The following PCDHA13 variants were observed in gnomAD, a reference collection of about 807,000 sequenced individuals.
The protein encoded by PCDHA13 is protocadherin alpha 13.
In PCDHA13, 54 loss-of-function variants were observed where a neutral mutation model predicts 64.8. The ratio of observed to expected loss-of-function variants is 0.83; its 90% confidence interval spans 0.67 to 1.04. PCDHA13 has a LOEUF of 1.04. PCDHA13 is among the 50% of genes least tolerant of loss of function. PCDHA13 has a pLI of 0.00. For synonymous variants in PCDHA13, 587 were observed against 564.4 expected (o/e 1.04, Z -0.57); for missense variants, 1,248 against 1,254.3 (o/e 0.99, Z 0.08).
intron 1 of PCDHA13, among the ~76,000 whole-genome samples, chr5:140,910,741 A>G (rs1349649150): frequency 1.3e-5 from 2 of 152,142 alleles, no homozygotes; most frequent in African/African-American, 2.4e-5. Flanking sequence ...AACCAAGCAC[A>G]TAAATTATCA....
chr5:140,926,958 C>G (rs782614627), intron 1 of PCDHA13: 3 of 1,603,116 alleles, frequency 1.9e-6, no homozygotes, highest in Admixed American at 1.7e-5. Context: ...CGGGACAGCT[C>G]GAGTACTCAG....
intron 1 of PCDHA13, among the ~76,000 whole-genome samples, chr5:140,922,616 A>G (rs2080916487): frequency 6.6e-6 from 1 of 152,242 alleles, no homozygotes; most frequent in African/African-American, 2.4e-5. Context: ...TATTAAAACT[A>G]TGGTACACAT....
At chr5:140,969,038 A>G in intron 1 of PCDHA13, 1 of 1,614,148 alleles carries the variant, frequency 6.2e-7, no homozygotes, top group South Asian at 1.1e-5. Context: ...AGAACTGTAC[A>G]AACAAGCCAA....
intron 2 of PCDHA13, among the ~76,000 whole-genome samples, chr5:140,981,266 A>C (rs1355658823): frequency 6.6e-6 from 1 of 152,166 alleles, no homozygotes; most frequent in Non-Finnish European, 1.5e-5. Context: ...AAGATAAGCA[A>C]ATGTCTAGTT....
At chr5:140,900,425 G>T (rs577250354) in intron 1 of PCDHA13, among the ~76,000 whole-genome samples, 1 of 152,236 alleles carries the variant, frequency 6.6e-6, no homozygotes, top group African/African-American at 2.4e-5. Context: ...TTATAGGCAC[G>T]TGCCACCACG....
At chr5:140,917,519 T>C (rs1554198226) in intron 1 of PCDHA13, among the ~76,000 whole-genome samples, 1 of 152,256 alleles carries the variant, frequency 6.6e-6, no homozygotes, top group East Asian at 1.9e-4. Context: ...GGTTTTATTC[T>C]ACGGTTTGTA....
At chr5:140,947,362 C>T (rs1378703066) in intron 1 of PCDHA13, among the ~76,000 whole-genome samples, 2 of 151,632 alleles carry the variant, frequency 1.3e-5, no homozygotes, top group Admixed American at 6.6e-5. Context: ...TATTTCACTC[C>T]TTTGATCTAT....
intron 1 of PCDHA13, among the ~76,000 whole-genome samples, chr5:140,920,557 G>A (rs1554199669): frequency 6.6e-6 from 1 of 152,158 alleles, no homozygotes; most frequent in African/African-American, 2.4e-5. Flanking sequence ...TCGAAGTGTG[G>A]CCCTTAGGCC....
At chr5:140,968,385 A>G (rs782234319) in intron 1 of PCDHA13, 11 of 1,613,904 alleles carry the variant, frequency 6.8e-6, no homozygotes, top group Non-Finnish European at 9.3e-6. Flanking sequence ...TTTGACTATG[A>G]GAAGTTTCGG....
In PCDHA13 at chr5:140,969,008, G is replaced by C. The variant is rs782541476; in HGVS notation, c.2395-9941G>C. 29 of 1,614,076 alleles carry C rather than the reference G, an allele frequency of 1.8e-5. 1 individual carries two copies. In the Admixed American group the frequency reaches 4.8e-4, roughly 27 times the overall value. Reference sequence around the variant, plus strand: ...TGCATGCTGTGGAGGCTTCTGTGGAGTAAGGGAAAGGTCCCCTGCAGAACT... The same window carrying C: ...TGCATGCTGTGGAGGCTTCTGTGGACTAAGGGAAAGGTCCCCTGCAGAACT... On this transcript the variant is annotated intron_variant, in intron 1 of 3. Coordinates refer to ENST00000289272, the MANE Select transcript of PCDHA13 (RefSeq NM_018904.3).
intron 3 of PCDHA13, among the ~76,000 whole-genome samples, chr5:141,002,843 A>G (rs2098098678): frequency 6.6e-6 from 1 of 152,224 alleles, no homozygotes; most frequent in African/African-American, 2.4e-5. Context: ...AGGACTATGC[A>G]CTAGTGAGAG....
chr5:140,919,424 T>G (rs1222822099), intron 1 of PCDHA13, among the ~76,000 whole-genome samples: 7 of 152,218 alleles, frequency 4.6e-5, no homozygotes, highest in Non-Finnish European at 2.9e-5. Context: ...CAATTCTGCC[T>G]TTTGATTGGG....
intron 3 of PCDHA13, among the ~76,000 whole-genome samples, chr5:140,985,392 C>T (rs1329580146): frequency 6.6e-6 from 1 of 152,172 alleles, no homozygotes; most frequent in Non-Finnish European, 1.5e-5. Context: ...CCAGTCACCC[C>T]AACTGTTCCC....
chr5:140,884,120 G>A lies in PCDHA13; in HGVS notation c.1852G>A (p.Ala618Thr). 6.2e-7 allele frequency: 1 copy of A among 1,613,322 alleles called. No individual in the cohort carries two copies. The highest frequency in any genetic ancestry group is 8.5e-7 in the Non-Finnish European group (1 of 1,179,720). The change falls in exon 1 of 4, where the codon GCG becomes ACG. Residue 618 changes from alanine to threonine, a missense_variant. Physicochemically the swap from Ala to Thr is moderately conservative, Grantham distance 58. Coordinates refer to ENST00000289272, the MANE Select transcript of PCDHA13 (RefSeq NM_018904.3). ...SYELQLAAVG[A>T]RIPFRVGLYT... ...TGAATTGCAGCTGGCGGCGGTCGGCGCGCGCATCCCGTTCCGCGTGGGGCT... is the reference window on the plus strand; with the variant it reads ...TGAATTGCAGCTGGCGGCGGTCGGCACGCGCATCCCGTTCCGCGTGGGGCT...
intron 1 of PCDHA13, among the ~76,000 whole-genome samples, chr5:140,945,754 G>T (rs1206591237): frequency 1.3e-5 from 2 of 152,078 alleles, no homozygotes; most frequent in African/African-American, 4.8e-5. Context: ...TTCAATAAAT[G>T]GTGGTGGGAC....
chr5:140,972,350 A>G (rs897251940), intron 1 of PCDHA13, among the ~76,000 whole-genome samples: 3 of 150,008 alleles, frequency 2.0e-5, no homozygotes, highest in Admixed American at 1.3e-4. Flanking sequence ...GGGTCTCACT[A>G]TGTTGCACAT....
chr5:140,914,318 T>C (rs2076678777), intron 1 of PCDHA13, among the ~76,000 whole-genome samples: 6 of 152,216 alleles, frequency 3.9e-5, no homozygotes, highest in Admixed American at 3.9e-4. Flanking sequence ...CCCATTATCA[T>C]TGTACAAAGA....
intron 1 of PCDHA13, among the ~76,000 whole-genome samples, chr5:140,908,703 C>T (rs751488038): frequency 5.9e-5 from 9 of 152,318 alleles, no homozygotes; most frequent in Non-Finnish European, 1.3e-4. Flanking sequence ...ACCTCAAGCA[C>T]CATTGGATCT....
At chr5:140,961,248 G>A (rs144956279) in intron 1 of PCDHA13, among the ~76,000 whole-genome samples, 129 of 152,276 alleles carry the variant, frequency 8.5e-4, no homozygotes, top group African/African-American at 1.8e-3. Flanking sequence ...GAATTTATCC[G>A]AAGCTCCAGG....
Sources: gnomAD v4.1 joint callset for allele counts (sites outside exome capture counted in the v4.1 genomes callset) on GRCh38, gnomAD v4.1.1 for gene constraint, MANE v1.5 for transcripts, NCBI Gene and HGNC (gene_info 2026-07-23, HGNC 2026-07-21) for gene names.